The following TMEM163 variants were observed in gnomAD, a reference collection of about 807,000 sequenced individuals.
The protein encoded by TMEM163 is transmembrane protein 163.
TMEM163 carries 17 observed loss-of-function variants against 29.3 expected under a neutral mutation model. The observed-to-expected ratio is 0.58, with a 90% CI of 0.40 to 0.87. TMEM163 has a LOEUF of 0.87. Ranked by LOEUF, TMEM163 falls within the 40% of genes least tolerant of loss-of-function variation. TMEM163 has a pLI of 0.00. For missense variants in TMEM163, 303 were observed against 381.5 expected (o/e 0.79, Z 1.71); for synonymous variants, 157 against 160.6 (o/e 0.98, Z 0.17).
intron 2 of TMEM163, among the ~76,000 whole-genome samples, chr2:134,701,778 C>A (rs964335029): frequency 6.6e-6 from 1 of 151,944 alleles, no homozygotes; most frequent in Non-Finnish European, 1.5e-5. Flanking sequence ...ATTAGCCAAG[C>A]GTGGTGGCAC....
intron 2 of TMEM163, among the ~76,000 whole-genome samples, chr2:134,574,051 G>C (rs1348770561): frequency 2.6e-5 from 4 of 152,198 alleles, no homozygotes; most frequent in African/African-American, 9.6e-5. Flanking sequence ...AGAATTTACA[G>C]CCAAATTTTA....
Position 134,539,330 on chromosome 2 carries a change from T to C in TMEM163, c.458+11240A>G, listed in dbSNP as rs191061976. On this transcript the variant is annotated intron_variant, in intron 4 of 7. Coordinates refer to ENST00000281924, the MANE Select transcript of TMEM163 (RefSeq NM_030923.5). ...GAGAAAAAAAGTCACCAGAATTCCA[T>C]TCGATGCAATTTCATGGACACCCGA... Among the ~76,000 whole-genome samples the C allele has an allele frequency of 1.4e-3, 212 of 152,294 alleles. 1 individual carries two copies. Among genetic ancestry groups the C allele is most frequent in the African/African-American group, 4.7e-3 (194 of 41,566 alleles).
intron 2 of TMEM163, among the ~76,000 whole-genome samples, chr2:134,670,249 T>TA (rs138676637): frequency 0.045 from 6,740 of 148,866 alleles, 504 homozygotes; most frequent in African/African-American, 0.16. Flanking sequence ...ATGGCACCTT[T>TA]AAAAAAAAAA....
At chr2:134,504,612 C>T (rs1679779947) in intron 4 of TMEM163, among the ~76,000 whole-genome samples, 1 of 152,200 alleles carries the variant, frequency 6.6e-6, no homozygotes. Flanking sequence ...GACAGTAAGT[C>T]ACCTCTAGGA....
chr2:134,611,809 C>A (rs913205165), intron 2 of TMEM163, among the ~76,000 whole-genome samples: 2 of 152,166 alleles, frequency 1.3e-5, no homozygotes. Flanking sequence ...CTCTCAACGA[C>A]GGCCAGAGCA....
chr2:134,680,425 C>T (rs1448436692), intron 2 of TMEM163, among the ~76,000 whole-genome samples: 2 of 151,906 alleles, frequency 1.3e-5, no homozygotes, highest in Non-Finnish European at 2.9e-5. Context: ...GTACTCCAAC[C>T]TGGGCTACAG....
intron 2 of TMEM163, among the ~76,000 whole-genome samples, chr2:134,676,804 C>T: frequency 6.6e-6 from 1 of 152,174 alleles, no homozygotes. Flanking sequence ...CAATATCATA[C>T]ATATACATCT....
At chr2:134,665,459 A>G (rs2104862288) in intron 2 of TMEM163, among the ~76,000 whole-genome samples, 1 of 152,256 alleles carries the variant, frequency 6.6e-6, no homozygotes, top group Non-Finnish European at 1.5e-5. Flanking sequence ...GGTCCCTCCC[A>G]TGACACCTGG....
intron 5 of TMEM163, among the ~76,000 whole-genome samples, chr2:134,481,382 G>GTC (rs200529162): frequency 2.6e-4 from 37 of 143,404 alleles, no homozygotes; most frequent in African/African-American, 9.5e-4. Flanking sequence ...AATCATGGGG[G>GTC]GGGGGGGAGC....
At position 134,555,004 on chromosome 2, in the gene TMEM163, G is replaced by A. The variant is rs577198048; in HGVS notation, c.323-2913C>T. Among the ~76,000 whole-genome samples, 3 of 152,272 alleles carry A rather than the reference G, an allele frequency of 2.0e-5. No individual in the cohort carries two copies. In the East Asian group the frequency reaches 5.8e-4, roughly 29 times the overall value. On this transcript the variant is annotated intron_variant, in intron 2 of 7. Transcript: ENST00000281924. ...TGCCAAAAATTGCATGGGGAATTGAGACTACTCTGAAGGGCCCTCCACACA... is the reference window on the plus strand; with the variant it reads ...TGCCAAAAATTGCATGGGGAATTGAAACTACTCTGAAGGGCCCTCCACACA...
intron 4 of TMEM163, among the ~76,000 whole-genome samples, chr2:134,529,239 G>A (rs1293218330): frequency 6.6e-6 from 1 of 152,164 alleles, no homozygotes; most frequent in Non-Finnish European, 1.5e-5. Flanking sequence ...GCTGAGACAG[G>A]AGGATCACTT....
intron 2 of TMEM163, among the ~76,000 whole-genome samples, chr2:134,575,074 G>T (rs140892654): frequency 1.3e-5 from 2 of 152,042 alleles, no homozygotes; most frequent in African/African-American, 4.8e-5. Context: ...ACCATGTGGC[G>T]GTCCTGAGCA....
intron 2 of TMEM163, among the ~76,000 whole-genome samples, chr2:134,693,884 T>C (rs1054802451): frequency 1.3e-5 from 2 of 152,126 alleles, no homozygotes; most frequent in African/African-American, 4.8e-5. Context: ...GTTCAGTCTT[T>C]GGAAGAGGTG....
intron 2 of TMEM163, among the ~76,000 whole-genome samples, chr2:134,553,307 A>T (rs888411771): frequency 6.6e-6 from 1 of 152,084 alleles, no homozygotes; most frequent in Non-Finnish European, 1.5e-5. Context: ...TGTCCTCTCC[A>T]CAAGGTCCAG....
chr2:134,620,752 G>A (rs1025987906), intron 2 of TMEM163, among the ~76,000 whole-genome samples: 1 of 152,034 alleles, frequency 6.6e-6, no homozygotes, highest in African/African-American at 2.4e-5. Flanking sequence ...TATGGTGCTG[G>A]GACAACTGAA....
At chr2:134,701,916 C>CAAAAAAAAAA (rs71301801) in intron 2 of TMEM163, among the ~76,000 whole-genome samples, 1 of 66,556 alleles carries the variant, frequency 1.5e-5, no homozygotes, top group Non-Finnish European at 3.4e-5. Flanking sequence ...AAAACTGTCT[C>CAAAAAAAAAA]AAAAAAAAAA....
intron 2 of TMEM163, among the ~76,000 whole-genome samples, chr2:134,631,948 C>T (rs1414726123): frequency 6.6e-6 from 1 of 152,092 alleles, no homozygotes; most frequent in Non-Finnish European, 1.5e-5. Context: ...TTTGTGGTGC[C>T]ATGAAGAGAC....
chr2:134,554,634 T>C (rs1681008432), intron 2 of TMEM163, among the ~76,000 whole-genome samples: 1 of 152,064 alleles, frequency 6.6e-6, no homozygotes, highest in South Asian at 2.1e-4. Flanking sequence ...ATTCACTTGA[T>C]TATATTGAGA....
chr2:134,577,817 G>A (rs999884321), intron 2 of TMEM163, among the ~76,000 whole-genome samples: 23 of 152,028 alleles, frequency 1.5e-4, no homozygotes, highest in Admixed American at 7.9e-4. Context: ...ATGTGGGGGG[G>A]AAAAATACAA....
Sources: gnomAD v4.1 joint callset for allele counts (sites outside exome capture counted in the v4.1 genomes callset) on GRCh38, gnomAD v4.1.1 for gene constraint, MANE v1.5 for transcripts, NCBI Gene and HGNC (gene_info 2026-07-23, HGNC 2026-07-21) for gene names.